XKR9: variants seen among roughly 807,000 people sequenced by gnomAD.
The protein encoded by XKR9 is XK related 9, also known as XK-related protein 9.
XKR9 carries 32 observed loss-of-function variants against 32.0 expected under a neutral mutation model. The ratio of observed to expected loss-of-function variants is 1.00; its 90% CI spans 0.76 to 1.34. The LOEUF is 1.34. XKR9 is among the 40% of genes most tolerant of loss of function. XKR9 has a pLI of 0.00. For synonymous variants in XKR9, 168 were observed against 143.4 expected (o/e 1.17, Z -1.22); for missense variants, 546 against 429.7 (o/e 1.27, Z -2.39).
the XKR9 span, among the ~76,000 whole-genome samples, chr8:71,011,935 T>C: frequency 6.6e-6 from 1 of 152,180 alleles, no homozygotes; most frequent in Non-Finnish European, 1.5e-5. Context: ...AAAACCTAGG[T>C]TGTAGTTTCT....
downstream of XKR9, among the ~76,000 whole-genome samples, chr8:70,740,176 C>T (rs1157685067): frequency 6.6e-6 from 1 of 152,050 alleles, no homozygotes; most frequent in Non-Finnish European, 1.5e-5. Flanking sequence ...TCTTTTTATT[C>T]TTTTTTCTCT....
chr8:70,677,516 A>G (rs1048058085), intron 2 of XKR9, among the ~76,000 whole-genome samples: 15 of 152,114 alleles, frequency 9.9e-5, no homozygotes, highest in Admixed American at 9.8e-4. Context: ...TCTCCCTTTA[A>G]TTTCACTACA....
In XKR9 at chr8:70,681,274, A is replaced by G. The variant is rs757259805; in HGVS notation, c.216A>G (p.Gln72=). Residue 72 remains glutamine, a synonymous_variant, in exon 3 of 5, where the codon CAA becomes CAG. Transcript: ENST00000408926. ...WFKADLKKAG[Q]ESQHCFLLLH... is the part of the protein sequence containing the mutation. ...AGGCTGATTTAAAGAAAGCAGGCCA[A>G]GAAAGTCAGCATTGTTTTCTTCTAC... 1 of 1,613,458 alleles carries G rather than the reference A, an allele frequency of 6.2e-7. No homozygotes were observed. The highest frequency in any genetic ancestry group is 1.1e-5 in the South Asian group (1 of 91,036).
chr8:71,010,029 C>T, the XKR9 span, among the ~76,000 whole-genome samples: 4 of 152,246 alleles, frequency 2.6e-5, no homozygotes, highest in South Asian at 2.1e-4. Context: ...GGGCTTCAAC[C>T]GACCCTGATC....
chr8:70,816,940 C>T, the XKR9 span, among the ~76,000 whole-genome samples: 3 of 151,954 alleles, frequency 2.0e-5, no homozygotes, highest in Admixed American at 2.0e-4. Context: ...GATAAAAACC[C>T]TCAACCAACT....
the XKR9 span, among the ~76,000 whole-genome samples, chr8:71,006,594 A>G: frequency 2.2e-4 from 33 of 152,198 alleles, no homozygotes; most frequent in African/African-American, 7.7e-4. Context: ...TGAAAGAAAC[A>G]TTACATAGAG....
chr8:70,902,634 C>T, the XKR9 span, among the ~76,000 whole-genome samples: 1 of 151,938 alleles, frequency 6.6e-6, no homozygotes, highest in East Asian at 1.9e-4. Flanking sequence ...TTTCTTTCTA[C>T]TGCCTGATTG....
chr8:70,785,297 A>G (rs891858348), intron 2 of XKR9, among the ~76,000 whole-genome samples: 1 of 151,958 alleles, frequency 6.6e-6, no homozygotes, highest in Admixed American at 6.6e-5. Flanking sequence ...ATTCATGTAT[A>G]ATTATTCATA....
At chr8:70,740,526 T>C (rs919707418), downstream of XKR9, among the ~76,000 whole-genome samples, 1 of 152,178 alleles carries the variant, frequency 6.6e-6, no homozygotes, top group Admixed American at 6.5e-5. Flanking sequence ...TGCGTTCCTT[T>C]GGAGGAGAGG....
chr8:70,849,897 C>T, the XKR9 span, among the ~76,000 whole-genome samples: 2 of 151,988 alleles, frequency 1.3e-5, no homozygotes, highest in Non-Finnish European at 2.9e-5. Context: ...TGGACACATA[C>T]ACCCTCCCAA....
chr8:70,690,448 C>T (rs1428745691), intron 3 of XKR9, among the ~76,000 whole-genome samples: 1 of 151,868 alleles, frequency 6.6e-6, no homozygotes, highest in African/African-American at 2.4e-5. Flanking sequence ...TTTCTCCTGC[C>T]TCAGTCTCCC....
At chr8:70,893,530 G>T in the XKR9 span, among the ~76,000 whole-genome samples, 5 of 152,166 alleles carry the variant, frequency 3.3e-5, no homozygotes, top group African/African-American at 1.2e-4. Context: ...ATTTTAGTGT[G>T]CCAGTTGGGA....
chr8:70,738,147 T>A (rs1235198531), downstream of XKR9, among the ~76,000 whole-genome samples: 1 of 132,656 alleles, frequency 7.5e-6, no homozygotes. Flanking sequence ...CAATTTCAGA[T>A]CCTGTTATTG....
chr8:70,750,414 G>A (rs765102652), intron 2 of XKR9, among the ~76,000 whole-genome samples: 1 of 152,138 alleles, frequency 6.6e-6, no homozygotes, highest in Admixed American at 6.5e-5. Flanking sequence ...TGCTTTGGAG[G>A]GCTGTCTGTG....
the XKR9 span, among the ~76,000 whole-genome samples, chr8:70,900,714 G>T: frequency 3.3e-5 from 5 of 152,238 alleles, no homozygotes; most frequent in Admixed American, 3.3e-4. Context: ...GCAACGTGCA[G>T]GTTTGTTACA....
At chr8:70,847,479 G>T in the XKR9 span, among the ~76,000 whole-genome samples, 3 of 151,632 alleles carry the variant, frequency 2.0e-5, no homozygotes, top group East Asian at 5.8e-4. Flanking sequence ...AAATAATGAA[G>T]ATCAGAGTAT....
At chr8:70,750,730 C>A (rs982220487) in intron 2 of XKR9, among the ~76,000 whole-genome samples, 32 of 152,144 alleles carry the variant, frequency 2.1e-4, no homozygotes, top group African/African-American at 7.0e-4. Flanking sequence ...CTTTTCTAAT[C>A]TTTAACTATC....
the XKR9 span, among the ~76,000 whole-genome samples, chr8:70,975,397 C>T: frequency 3.3e-5 from 5 of 152,178 alleles, 1 homozygote; most frequent in Admixed American, 3.3e-4. Flanking sequence ...AGTCTTTAAT[C>T]CATCTTGAAT....
the XKR9 span, among the ~76,000 whole-genome samples, chr8:70,976,088 A>T: frequency 1.3e-5 from 2 of 152,154 alleles, no homozygotes; most frequent in African/African-American, 2.4e-5. Context: ...TTGCACATTG[A>T]TTTTGTATCC....
Sources: allele counts gnomAD v4.1 joint callset (sites outside exome capture counted in the v4.1 genomes callset), GRCh38; gene constraint gnomAD v4.1.1; transcripts MANE v1.5; gene names NCBI Gene and HGNC (gene_info 2026-07-23, HGNC 2026-07-21).